GPR139: variants seen among roughly 807,000 people sequenced by gnomAD.
GPR139 encodes G protein-coupled receptor 139.
In GPR139, 12 loss-of-function variants were observed where a neutral mutation model predicts 25.8. The observed-to-expected ratio is 0.47, with a 90% CI of 0.30 to 0.75. The LOEUF (loss-of-function observed/expected upper bound fraction) is 0.75, where lower values mean the gene tolerates loss of function less well. GPR139 is among the 30% of genes least tolerant of loss of function. The pLI is 0.07. For missense variants in GPR139, 380 were observed against 450.2 expected (o/e 0.84, Z 1.41); for synonymous variants, 184 against 179.9 (o/e 1.02, Z -0.18).
intron 1 of GPR139, among the ~76,000 whole-genome samples, chr16:20,053,859 A>G (rs1274936685): frequency 6.6e-6 from 1 of 152,100 alleles, no homozygotes; most frequent in African/African-American, 2.4e-5. Flanking sequence ...ATAGATTGTA[A>G]TAGATTTCAG....
rs59809855 is a variant in GPR139, at chr16:20,029,484, AAT to A, written c.*2249_*2250del. ...TACATGTTTAAAAAATAAATAAATA[AAT>A]ATATATATATATATATATTCAGTAT... On this transcript the variant is annotated 3_prime_UTR_variant, in exon 2 of 2. Transcript: ENST00000570682. Among the ~76,000 whole-genome samples, 45,314 of 143,576 alleles carry A rather than the reference AAT, an allele frequency of 0.32. 7,337 individuals carry two copies. The highest frequency in any genetic ancestry group is 0.45 in the East Asian group (2,289 of 5,040). 94.2% of individuals were successfully genotyped at this position (143,576 alleles called of 152,430 possible).
At chr16:20,069,537 A>G (rs1027812533) in intron 1 of GPR139, among the ~76,000 whole-genome samples, 2 of 152,156 alleles carry the variant, frequency 1.3e-5, no homozygotes, top group Non-Finnish European at 2.9e-5. Context: ...CAGACTCATC[A>G]TCTGCCTTCA....
At chr16:20,071,823 T>C (rs1441087921) in intron 1 of GPR139, among the ~76,000 whole-genome samples, 1 of 152,094 alleles carries the variant, frequency 6.6e-6, no homozygotes, top group Non-Finnish European at 1.5e-5. Flanking sequence ...TGCTTGTCTT[T>C]GTCTCTGTCC....
chr16:20,046,282 T>G (rs1433865438), intron 1 of GPR139, among the ~76,000 whole-genome samples: 1 of 152,340 alleles, frequency 6.6e-6, no homozygotes, highest in African/African-American at 2.4e-5. Flanking sequence ...AGCTGCTCAC[T>G]GTGAATCAGG....
At chr16:20,061,221 GGATGTGTGGATGGA>G (rs1567239872) in intron 1 of GPR139, among the ~76,000 whole-genome samples, 36 of 144,568 alleles carry the variant, frequency 2.5e-4, no homozygotes, top group Non-Finnish European at 4.6e-4. Context: ...ATGGATGGAT[GGATGTGTGGATGGA>G]TGGATGGATG....
At position 20,039,386 on chromosome 16, in the gene GPR139, TGA is replaced by T. The variant is rs201613853; in HGVS notation, c.128-6719_128-6718del. ...GAAGAAGCAGCTGGACTGGGAGTTC[TGA>T]GTTTATATCTTTTAGTTCTGCTACA... On this transcript the variant is annotated intron_variant, in intron 1 of 1. Transcript: ENST00000570682. Among the ~76,000 whole-genome samples, 469 of 152,366 alleles carry T rather than the reference TGA, an allele frequency of 3.1e-3. 5 individuals carry two copies. In the East Asian group the frequency reaches 0.033, roughly 11 times the overall value.
In GPR139 at chr16:20,032,478, G is replaced by A. The variant is rs1230474793; in HGVS notation, c.319C>T (p.Leu107=). 6.2e-7 allele frequency: 1 copy of A among 1,614,046 alleles called. No individual in the cohort carries two copies. Among genetic ancestry groups the A allele is most frequent in the African/African-American group, 1.3e-5 (1 of 74,908 alleles). The change falls in exon 2 of 2, where the codon CTG becomes TTG. Residue 107 remains leucine (L), a synonymous_variant. Coordinates refer to ENST00000570682, the MANE Select transcript of GPR139 (RefSeq NM_001002911.4). ...PQVPDKIIEV[L]EFSSIHTSIW... ...GAGGTGTGGATGGATGAGAATTCCAGCACTTCTATGATCTTGTCGGGGACC... is the reference window on the plus strand; with the variant it reads ...GAGGTGTGGATGGATGAGAATTCCAACACTTCTATGATCTTGTCGGGGACC...
At position 20,030,390 on chromosome 16, in the gene GPR139, A is replaced by G. The variant is rs80168512; in HGVS notation, c.*1345T>C. 2.0e-5 allele frequency among the ~76,000 whole-genome samples: 3 copies of G among 150,906 alleles called. No homozygotes were observed. The highest frequency in any genetic ancestry group is 3.0e-5 in the Non-Finnish European group (2 of 67,762). On this transcript the variant is annotated 3_prime_UTR_variant, in exon 2 of 2. Coordinates refer to ENST00000570682, the MANE Select transcript of GPR139 (RefSeq NM_001002911.4). ...ATCTGAGGGAGAAGTTAAAAAAAAA[A>G]GAAGAAAAAAGAAACACTAAATAAG...
intron 1 of GPR139, among the ~76,000 whole-genome samples, chr16:20,051,062 C>CAAAAAAAAAAAAAA (rs3041359): frequency 8.2e-6 from 1 of 121,378 alleles, no homozygotes; most frequent in African/African-American, 3.2e-5. Context: ...GACCCTGTTT[C>CAAAAAAAAAAAAAA]AAAAAAAAAA....
chr16:20,070,813 T>C (rs1353802207), intron 1 of GPR139: 1 of 263,022 alleles, frequency 3.8e-6, no homozygotes, highest in Non-Finnish European at 5.9e-6. Flanking sequence ...AAGCTGCGTC[T>C]CCCAGTCAGT....
At position 20,046,479 on chromosome 16, in the gene GPR139, T is replaced by C. The variant is rs2057354808; in HGVS notation, c.128-13810A>G. Among the ~76,000 whole-genome samples the C allele has an allele frequency of 2.6e-5, 4 of 152,234 alleles. No individual in the cohort carries two copies. The South Asian group carries it at 8.3e-4, about 32-fold the overall frequency. ...CATAGCATGTGCTGAGCGTGTATTA[T>C]GTGCCATTTTCTGTGCTGGGGCTGC... On this transcript the variant is annotated intron_variant, in intron 1 of 1. Coordinates refer to ENST00000570682, the MANE Select transcript of GPR139 (RefSeq NM_001002911.4).
intron 1 of GPR139, among the ~76,000 whole-genome samples, chr16:20,059,518 A>C (rs1344357562): frequency 1.3e-5 from 2 of 152,080 alleles, no homozygotes; most frequent in East Asian, 3.9e-4. Flanking sequence ...ACCACTTTGG[A>C]ACACCCTTTC....
At chr16:20,054,413 G>GT (rs10581558) in intron 1 of GPR139, among the ~76,000 whole-genome samples, 64 of 151,134 alleles carry the variant, frequency 4.2e-4, no homozygotes, top group Non-Finnish European at 7.1e-4. Flanking sequence ...GTTCTTATCA[G>GT]TTTTTTTTTT....
rs763831028 is a variant in GPR139 at position 20,031,849 on chromosome 16, A to T, written c.948T>A (p.Asn316Lys). 5 of 1,614,088 alleles carry T rather than the reference A, an allele frequency of 3.1e-6. No individual in the cohort carries two copies. The highest frequency in any genetic ancestry group is 1.7e-5 in the Admixed American group (1 of 60,002). The stretch of plus-strand genomic sequence containing the variant: ...GGCTACTTGTTATGGAAAAGTTATG[A>T]TTGGTGTAGAACTGTACAGGTTGCT... ...CQKQPVQFYT[N>K]HNFSITSSPW... The change falls in exon 2 of 2, where the codon AAT (asparagine) becomes AAA (lysine). Residue 316 changes from asparagine to lysine, a missense_variant. Coordinates refer to ENST00000570682, the MANE Select transcript of GPR139 (RefSeq NM_001002911.4).
At position 20,044,175 on chromosome 16, in the gene GPR139, T is replaced by C. The variant is rs368914932; in HGVS notation, c.128-11506A>G. ...ATAACAATCAGTCCTGCTAAGGTGA[T>C]AAATTGAACCAGGCAAAGGCTCAAT... On this transcript the variant is annotated intron_variant, in intron 1 of 1. Transcript: ENST00000570682. Among the ~76,000 whole-genome samples the C allele has an allele frequency of 2.6e-5, 4 of 152,330 alleles. 1 individual carries two copies. The highest frequency in any genetic ancestry group is 1.9e-4 in the East Asian group (1 of 5,192).
At chr16:20,046,151 A>G (rs536284825) in intron 1 of GPR139, among the ~76,000 whole-genome samples, 2 of 152,218 alleles carry the variant, frequency 1.3e-5, no homozygotes, top group African/African-American at 2.4e-5. Context: ...GTGCATACAA[A>G]ATGCAGCCAA....
chr16:20,065,176 G>C (rs2057427143), intron 1 of GPR139, among the ~76,000 whole-genome samples: 1 of 152,038 alleles, frequency 6.6e-6, no homozygotes. Context: ...AGATATGTTT[G>C]GTTTGGCTCA....
At position 20,029,015 on chromosome 16, in the gene GPR139, T is replaced by C. The variant is rs770241203; in HGVS notation, c.*2720A>G. On this transcript the variant is annotated 3_prime_UTR_variant, in exon 2 of 2. Transcript: ENST00000570682. ...TTCATGATGTCCATAATTATTACTA[T>C]AAATAATAATAAAAGTCCTTAGATA... is the stretch of plus-strand genomic sequence containing the variant. Among the ~76,000 whole-genome samples, 25 of 152,272 alleles carry C rather than the reference T, an allele frequency of 1.6e-4. No homozygotes were observed. Among genetic ancestry groups the C allele is most frequent in the Admixed American group, 3.3e-4 (5 of 15,300 alleles).
Position 20,073,563 on chromosome 16 carries a change from G to A in GPR139, c.54C>T (p.Ser18=), listed in dbSNP as rs1596473400. 6.2e-6 allele frequency: 10 copies of A among 1,611,724 alleles called. No homozygotes were observed. The highest frequency in any genetic ancestry group is 8.5e-6 in the Non-Finnish European group (10 of 1,179,228). The change falls in exon 1 of 2, where the codon TCC becomes TCT. Residue 18 remains serine (S), a synonymous_variant. Coordinates refer to ENST00000570682, the MANE Select transcript of GPR139 (RefSeq NM_001002911.4). This position sits in a 1 kb window ranked among gnomAD's most constrained non-coding sequence, Gnocchi z 4.7. ...LAANSSLSWW[S]PGSACGLGFV... is the part of the protein sequence containing the mutation. ...AACCCAAGCCGCAGGCCGAGCCGGGGGACCACCAAGACAGCGAGCTGTTGG... is the reference window on the plus strand; with the variant it reads ...AACCCAAGCCGCAGGCCGAGCCGGGAGACCACCAAGACAGCGAGCTGTTGG...
Sources: allele counts gnomAD v4.1 joint callset (sites outside exome capture counted in the v4.1 genomes callset), GRCh38; gene constraint gnomAD v4.1.1; non-coding constraint Gnocchi (gnomAD v3.1); transcripts MANE v1.5; gene names NCBI Gene and HGNC (gene_info 2026-07-23, HGNC 2026-07-21).